The following RP1 variants were observed in gnomAD, a reference collection of about 807,000 sequenced individuals.
RP1 encodes the protein RP1 axonemal microtubule associated.
In RP1, 16 loss-of-function variants were observed where a neutral mutation model predicts 14.8. The ratio of observed to expected loss-of-function variants is 1.08; its 90% CI spans 0.73 to 1.65. The LOEUF is 1.65. Ranked by LOEUF, RP1 falls within the 40% of genes most tolerant of loss-of-function variation. RP1 has a pLI of 0.00. For missense variants in RP1, 2,631 were observed against 2,535.0 expected (o/e 1.04, Z -0.81); for synonymous variants, 876 against 883.6 (o/e 0.99, Z 0.15).
chr8:54,860,004 G>T (rs570687274), intron 27 of RP1, among the ~76,000 whole-genome samples: 1 of 152,284 alleles, frequency 6.6e-6, no homozygotes, highest in Non-Finnish European at 1.5e-5. Context: ...CAGAATTGAG[G>T]TGCTGTAGAG....
intron 12 of RP1, among the ~76,000 whole-genome samples, chr8:54,691,045 C>T (rs1241240895): frequency 2.6e-5 from 4 of 152,148 alleles, no homozygotes; most frequent in Admixed American, 6.6e-5. Flanking sequence ...CCAAAATCAG[C>T]TTCCTTTATT....
intron 1 of RP1, among the ~76,000 whole-genome samples, chr8:54,598,470 T>G (rs1563321671): frequency 6.6e-6 from 1 of 152,214 alleles, no homozygotes; most frequent in Admixed American, 6.5e-5. Flanking sequence ...CATAAGAAAA[T>G]ATTATACTTT....
chr8:54,755,407 C>T (rs1227392003), intron 20 of RP1, among the ~76,000 whole-genome samples: 1 of 152,018 alleles, frequency 6.6e-6, no homozygotes. Context: ...TGCAATAAAC[C>T]TTCTGGCCTT....
chr8:54,803,186 T>C (rs1419169531), intron 24 of RP1, among the ~76,000 whole-genome samples: 1 of 152,220 alleles, frequency 6.6e-6, no homozygotes, highest in Non-Finnish European at 1.5e-5. Context: ...GTCTAATCAG[T>C]TTGTTTTTCA....
rs1805972559 is a variant in RP1 at position 54,624,529 on chromosome 8, GA to G, written c.788-137del. ...CAGTAACATTTTACTATGAAATACA[GA>G]AAATATGCTACTTTTCATACTAATC... On this transcript the variant is annotated intron_variant, in intron 3 of 3. Coordinates refer to ENST00000220676, the MANE Select transcript of RP1 (RefSeq NM_006269.2). 4 of 704,476 alleles carry G rather than the reference GA, an allele frequency of 5.7e-6. No individual in the cohort carries two copies. In the South Asian group the frequency reaches 7.8e-5, roughly 14 times the overall value. The allele number at this position is 704,476 out of a possible 1,614,324, so 43.6% of individuals were successfully genotyped here.
At chr8:54,587,013 G>C (rs1219381442) in intron 1 of RP1, among the ~76,000 whole-genome samples, 2 of 152,290 alleles carry the variant, frequency 1.3e-5, no homozygotes, top group Middle Eastern at 6.8e-3. Context: ...TGCACCTACT[G>C]TCTGACACTC....
At chr8:54,570,053 G>T (rs989371591) in intron 1 of RP1, among the ~76,000 whole-genome samples, 1 of 152,146 alleles carries the variant, frequency 6.6e-6, no homozygotes, top group African/African-American at 2.4e-5. Flanking sequence ...TACATCACGA[G>T]CCCTGTCCCC....
intron 1 of RP1, among the ~76,000 whole-genome samples, chr8:54,599,178 T>C (rs1252445076): frequency 1.3e-5 from 2 of 152,182 alleles, no homozygotes; most frequent in East Asian, 1.9e-4. Flanking sequence ...TAATTTCTAT[T>C]GTACTACCTT....
intron 24 of RP1, among the ~76,000 whole-genome samples, chr8:54,785,871 T>C (rs1035346410): frequency 6.6e-6 from 1 of 152,076 alleles, no homozygotes; most frequent in African/African-American, 2.4e-5. Context: ...CCCATATTTA[T>C]ACTTGATCTT....
intron 1 of RP1, among the ~76,000 whole-genome samples, chr8:54,563,379 A>C (rs1804328887): frequency 6.6e-6 from 1 of 152,216 alleles, no homozygotes; most frequent in Non-Finnish European, 1.5e-5. Flanking sequence ...GTCAGGGACC[A>C]TCTCATCTTC....
chr8:54,799,229 T>C (rs1810644541), intron 24 of RP1, among the ~76,000 whole-genome samples: 1 of 152,070 alleles, frequency 6.6e-6, no homozygotes, highest in South Asian at 2.1e-4. Flanking sequence ...AATTTGGTAA[T>C]AATTTTCCAT....
intron 14 of RP1, among the ~76,000 whole-genome samples, chr8:54,704,658 T>G (rs949808636): frequency 1.3e-5 from 2 of 152,180 alleles, no homozygotes; most frequent in Non-Finnish European, 2.9e-5. Flanking sequence ...GCAAATAAAG[T>G]GAAGCACAAT....
At chr8:54,864,554 C>T (rs989297497) in intron 27 of RP1, among the ~76,000 whole-genome samples, 15 of 152,164 alleles carry the variant, frequency 9.9e-5, no homozygotes, top group Admixed American at 2.0e-4. Flanking sequence ...GATCATCAAG[C>T]AGTCATAATT....
intron 1 of RP1, among the ~76,000 whole-genome samples, chr8:54,563,717 T>C (rs1263319648): frequency 6.6e-6 from 1 of 152,076 alleles, no homozygotes; most frequent in African/African-American, 2.4e-5. Context: ...GACTAATTTA[T>C]TTTTTATTTT....
intron 25 of RP1, among the ~76,000 whole-genome samples, chr8:54,847,337 C>T (rs1294845010): frequency 6.6e-6 from 1 of 152,170 alleles, no homozygotes; most frequent in Non-Finnish European, 1.5e-5. Flanking sequence ...GAACTGTCTT[C>T]CCCCAAGAAA....
intron 24 of RP1, among the ~76,000 whole-genome samples, chr8:54,800,975 A>T (rs1810690742): frequency 6.6e-6 from 1 of 152,164 alleles, no homozygotes; most frequent in South Asian, 2.1e-4. Context: ...TGAAATAAAT[A>T]CTGTTGATAA....
intron 24 of RP1, among the ~76,000 whole-genome samples, chr8:54,790,114 G>T (rs1810426386): frequency 6.6e-6 from 1 of 152,194 alleles, no homozygotes; most frequent in Non-Finnish European, 1.5e-5. Context: ...CAATTGTGGA[G>T]CCCAGCCAGT....
Position 54,629,326 on chromosome 8 carries a change from A to G in RP1, c.5444A>G (p.Lys1815Arg). Residue 1815 changes from lysine to arginine, a missense_variant, in exon 4 of 4, where the codon AAA (lysine) becomes AGA (arginine). By Grantham distance (26) the Lys-to-Arg change is conservative (BLOSUM62 2). Transcript: ENST00000220676. ...LEELTQPLEL[K>R]CNYFNMPHGS... The stretch of plus-strand genomic sequence containing the variant: ...GAACTGACTCAACCCCTTGAACTAA[A>G]ATGCAATTACTTTAACATGCCTCAT... 1 of 1,614,018 alleles carries G rather than the reference A, an allele frequency of 6.2e-7. No homozygotes were observed. Among genetic ancestry groups the G allele is most frequent in the Non-Finnish European group, 8.5e-7 (1 of 1,179,956 alleles).
rs775367880 is a variant in RP1 at position 54,630,060 on chromosome 8, GA to G, written c.6181del (p.Ile2061SerfsTer12). On this transcript the variant is annotated frameshift_variant, in exon 4 of 4. Coordinates refer to ENST00000220676, the MANE Select transcript of RP1 (RefSeq NM_006269.2). LOFTEE classifies it low-confidence loss of function (END_TRUNC). ...NTQDLSGQTN[E>X]IFKAVDENNN... ...ACAAGACCTCAGCGGTCAGACAAAT[GA>G]AATCTTTAAAGCAGTCGATGAGAAT... 26 of 1,614,006 alleles carry G rather than the reference GA, an allele frequency of 1.6e-5. No homozygotes were observed. In the East Asian group the frequency reaches 4.2e-4, roughly 26 times the overall value.
Sources: gnomAD v4.1 joint callset for allele counts (sites outside exome capture counted in the v4.1 genomes callset) on GRCh38, gnomAD v4.1.1 for gene constraint, MANE v1.5 for transcripts, NCBI Gene and HGNC (gene_info 2026-07-23, HGNC 2026-07-21) for gene names.